The following HSCB variants were observed in gnomAD, a reference collection of about 807,000 sequenced individuals.
HSCB encodes HscB mitochondrial iron-sulfur cluster cochaperone.
Under a neutral mutation model 31.3 loss-of-function variants are expected in HSCB, and 23 were observed. The observed-to-expected ratio is 0.74, with a 90% CI of 0.53 to 1.04. The LOEUF is 1.04. Ranked by LOEUF, HSCB falls within the 50% of genes least tolerant of loss-of-function variation. The probability of loss-of-function intolerance (pLI) is 0.00; values close to 1 mark genes in which losing one functional copy is unlikely to be tolerated. For missense variants in HSCB, 297 were observed against 288.1 expected (o/e 1.03, Z -0.22); for synonymous variants, 110 against 104.5 (o/e 1.05, Z -0.32).
chr22:28,756,567 C>T (rs1375341870), intron 5 of HSCB, among the ~76,000 whole-genome samples: 2 of 151,662 alleles, frequency 1.3e-5, no homozygotes, highest in African/African-American at 4.8e-5. Flanking sequence ...CTCCTGGGCT[C>T]AAGGGATCCT....
intron 5 of HSCB, among the ~76,000 whole-genome samples, chr22:28,754,107 G>A (rs932446419): frequency 1.3e-5 from 2 of 150,662 alleles, no homozygotes; most frequent in African/African-American, 2.4e-5. Context: ...CACTCCTGAC[G>A]GCAACAAGAG....
intron 4 of HSCB, among the ~76,000 whole-genome samples, chr22:28,750,689 A>G (rs909383758): frequency 2.0e-5 from 3 of 152,196 alleles, no homozygotes; most frequent in Non-Finnish European, 4.4e-5. Context: ...AGATTACTGG[A>G]AAATTCCTCA....
chr22:28,751,514 A>G (rs375331641), intron 5 of HSCB, among the ~76,000 whole-genome samples: 2 of 152,272 alleles, frequency 1.3e-5, no homozygotes, highest in East Asian at 3.9e-4. Flanking sequence ...CTGGGAGGCT[A>G]AGGCGGGCGG....
At chr22:28,750,911 C>T (rs1029992080) in intron 4 of HSCB, among the ~76,000 whole-genome samples, 3 of 137,590 alleles carry the variant, frequency 2.2e-5, no homozygotes, top group Non-Finnish European at 4.6e-5. Context: ...AAGACCCAAA[C>T]TGTTTCGTGG....
chr22:28,756,647 A>T (rs5997395), intron 5 of HSCB, among the ~76,000 whole-genome samples: 1 of 150,562 alleles, frequency 6.6e-6, no homozygotes, highest in Non-Finnish European at 1.5e-5. Flanking sequence ...TTTTTATTTT[A>T]TTTTTTATTT....
intron 2 of HSCB, 141 bp downstream of exon 2, chr22:28,744,119 G>A: frequency 1.4e-6 from 1 of 709,254 alleles, no homozygotes; most frequent in Non-Finnish European, 2.5e-6. Flanking sequence ...CAGCCTGTCA[G>A]ACCCAGAGCT....
At chr22:28,752,844 G>T (rs942815437) in intron 5 of HSCB, among the ~76,000 whole-genome samples, 3 of 152,074 alleles carry the variant, frequency 2.0e-5, no homozygotes, top group African/African-American at 7.2e-5. Flanking sequence ...ATTTTGAGAG[G>T]CCAAGGTGGG....
intron 3 of HSCB, 67 bp from the exon 4 acceptor site, chr22:28,745,797 G>A (rs1311956515): frequency 1.5e-6 from 2 of 1,323,746 alleles, no homozygotes; most frequent in African/African-American, 3.0e-5. Context: ...CCTAATGGAT[G>A]AGTAGGATTT....
At position 28,748,449 on chromosome 22, in the gene HSCB, G is replaced by A. The variant is rs539738863; in HGVS notation, c.568+2441G>A. Among the ~76,000 whole-genome samples the A allele has an allele frequency of 6.1e-4, 92 of 151,778 alleles. 1 individual carries two copies. In the Middle Eastern group the frequency reaches 0.02, roughly 34 times the overall value. On this transcript the variant is annotated intron_variant, in intron 4 of 5. Coordinates refer to ENST00000216027, the MANE Select transcript of HSCB (RefSeq NM_172002.5). ...TTCACTGGTCTGTCCGTACCTTCAG[G>A]CCCCATCTAACAAATCCCTTCACTG...
At chr22:28,746,141 G>A in intron 4 of HSCB, 133 bp downstream of exon 4, 1 of 782,718 alleles carries the variant, frequency 1.3e-6, no homozygotes, top group Middle Eastern at 4.0e-4. Flanking sequence ...AGCACTTTGG[G>A]AGGCCAAGGC....
At position 28,744,557 on chromosome 22, in the gene HSCB, A is replaced by G. The variant is rs2054651246; in HGVS notation, c.334-58A>G. The G allele has an allele frequency of 5.1e-6, 7 of 1,365,794 alleles. No individual in the cohort carries two copies. The Admixed American group carries it at 8.5e-5, about 17-fold the overall frequency. 84.6% of individuals were successfully genotyped at this position (1,365,794 alleles called of 1,614,324 possible). A position where few individuals can be genotyped will look rare whatever the true frequency, so the allele number is the denominator to read the frequency against. On this transcript the variant is annotated intron_variant, in intron 2 of 5. Coordinates refer to ENST00000216027, the MANE Select transcript of HSCB (RefSeq NM_172002.5). ...TGACTCAACGTCAAAACAAAAACAA[A>G]AACAAAAAAACTTTGTGATTTGGAT...
At chr22:28,750,082 T>C (rs961147662) in intron 4 of HSCB, among the ~76,000 whole-genome samples, 5 of 151,702 alleles carry the variant, frequency 3.3e-5, no homozygotes, top group African/African-American at 1.2e-4. Context: ...AAACCCTGTC[T>C]CTACTAAAAA....
chr22:28,751,187 CATATT>C, intron 4 of HSCB, 49 bp from the exon 5 acceptor site: 1 of 1,064,346 alleles, frequency 9.4e-7, no homozygotes, highest in Non-Finnish European at 1.4e-6. Flanking sequence ...GTATTGTCTT[CATATT>C]ATGAGTCTAT....
intron 4 of HSCB, among the ~76,000 whole-genome samples, chr22:28,749,905 T>G (rs2030096870): frequency 6.6e-6 from 1 of 152,008 alleles, no homozygotes; most frequent in Admixed American, 6.6e-5. Context: ...GGAGATAATA[T>G]TAGTACTGGT....
At chr22:28,745,719 A>G (rs1399762233) in intron 3 of HSCB, 145 bp from the exon 4 acceptor site, 1 of 625,598 alleles carries the variant, frequency 1.6e-6, no homozygotes, top group East Asian at 3.1e-5. Flanking sequence ...TTTCAGTCCA[A>G]GCTTTTGATA....
intron 5 of HSCB, among the ~76,000 whole-genome samples, chr22:28,755,538 A>G (rs2030547811): frequency 6.6e-6 from 1 of 152,132 alleles, no homozygotes; most frequent in Non-Finnish European, 1.5e-5. Flanking sequence ...TGTGTTACTC[A>G]TTCCCTTGCT....
chr22:28,751,437 T>A, intron 5 of HSCB, 149 bp downstream of exon 5: 1 of 526,170 alleles, frequency 1.9e-6, no homozygotes, highest in Non-Finnish European at 3.4e-6. Context: ...TTTCTGTCTT[T>A]AAAAAAATGC....
chr22:28,749,362 T>C (rs1230266148), intron 4 of HSCB, among the ~76,000 whole-genome samples: 1 of 152,148 alleles, frequency 6.6e-6, no homozygotes, highest in Admixed American at 6.6e-5. Context: ...CCATTTAAGT[T>C]AACCCCTCCT....
chr22:28,751,143 G>A, intron 4 of HSCB, 98 bp from the exon 5 acceptor site: 1 of 728,024 alleles, frequency 1.4e-6, no homozygotes, highest in South Asian at 1.8e-5. Context: ...TTCCTCCTTT[G>A]TTGTGTTCAA....
Sources: allele counts gnomAD v4.1 joint callset (sites outside exome capture counted in the v4.1 genomes callset), GRCh38; gene constraint gnomAD v4.1.1; transcripts MANE v1.5; gene names NCBI Gene and HGNC (gene_info 2026-07-23, HGNC 2026-07-21).